GGACT: variants seen among roughly 807,000 people sequenced by gnomAD.
GGACT encodes gamma-glutamylamine cyclotransferase, also known as gamma-glutamylaminecyclotransferase.
For missense variants in GGACT, 241 were observed against 233.2 expected (o/e 1.03, Z -0.22); for synonymous variants, 118 against 115.3 (o/e 1.02, Z -0.15).
intron 2 of GGACT, among the ~76,000 whole-genome samples, chr13:100,555,888 A>C (rs958171939): frequency 6.6e-6 from 1 of 152,256 alleles, no homozygotes. Context: ...GAAAAACCAC[A>C]TGACGATCTC....
At chr13:100,560,913 G>A (rs1272629738) in intron 2 of GGACT, among the ~76,000 whole-genome samples, 1 of 152,182 alleles carries the variant, frequency 6.6e-6, no homozygotes, top group Non-Finnish European at 1.5e-5. Context: ...TTGCAATTGT[G>A]AACATCTCTG....
chr13:100,566,865 A>G (rs1874903515), intron 2 of GGACT, among the ~76,000 whole-genome samples: 1 of 152,236 alleles, frequency 6.6e-6, no homozygotes, highest in South Asian at 2.1e-4. Context: ...CGTGCTTTAC[A>G]GCAAAAGGGC....
At chr13:100,556,993 G>A (rs1301207385) in intron 2 of GGACT, among the ~76,000 whole-genome samples, 17 of 152,044 alleles carry the variant, frequency 1.1e-4, no homozygotes, top group African/African-American at 4.1e-4. Flanking sequence ...AGGTTCAAGC[G>A]ATTCTCATGC....
Position 100,530,524 on chromosome 13 carries a change from T to C in GGACT, c.*1606A>G, listed in dbSNP as rs970089050. 1.9e-5 allele frequency: 7 copies of C among 378,046 alleles called. No homozygotes were observed. Among genetic ancestry groups the C allele is most frequent in the African/African-American group, 1.2e-4 (6 of 48,202 alleles). The allele number at this position is 378,046 out of a possible 1,614,324, so 23.4% of individuals were successfully genotyped here. A position where few individuals can be genotyped will look rare whatever the true frequency, so the allele number is the denominator to read the frequency against. ...ACTACCAGCATTTCTTTGTGATCCTTTTAAGAGATTGATATAAATGTCAGT... is the reference window on the plus strand; with the variant it reads ...ACTACCAGCATTTCTTTGTGATCCTCTTAAGAGATTGATATAAATGTCAGT... On this transcript the variant is annotated 3_prime_UTR_variant, in exon 3 of 3. Coordinates refer to ENST00000683975, the MANE Select transcript of GGACT (RefSeq NM_001195087.2).
chr13:100,540,107 C>T lies in GGACT; in HGVS notation c.-10-7506G>A, dbSNP rs9554702. 0.015 allele frequency: 24,130 copies of T among 1,567,472 alleles called. 934 individuals are homozygous for T. The East Asian group carries it at 0.17, about 11-fold the overall frequency. On this transcript the variant is annotated intron_variant, in intron 2 of 2. Transcript: ENST00000683975. ...GCTTCAGAAATGTCCCTGACTGCTG[C>T]GGCCTCCACTATGTTTCGAATGACG...
intron 2 of GGACT, among the ~76,000 whole-genome samples, chr13:100,578,550 C>G (rs1343991249): frequency 6.6e-6 from 1 of 152,228 alleles, no homozygotes; most frequent in Non-Finnish European, 1.5e-5. Flanking sequence ...GTCTACTTGA[C>G]TTCTGTTGTA....
chr13:100,546,137 G>A (rs972808994), intron 2 of GGACT, among the ~76,000 whole-genome samples: 3 of 152,132 alleles, frequency 2.0e-5, no homozygotes, highest in African/African-American at 7.2e-5. Context: ...GAGGCGGGTG[G>A]ATCACGAGGA....
intron 1 of GGACT, among the ~76,000 whole-genome samples, chr13:100,588,350 A>T (rs1471310794): frequency 6.6e-6 from 1 of 152,234 alleles, no homozygotes; most frequent in Non-Finnish European, 1.5e-5. Context: ...AATGAAAAAC[A>T]ATTTCTGAGA....
chr13:100,575,954 G>C (rs918527445), intron 2 of GGACT, among the ~76,000 whole-genome samples: 1 of 152,172 alleles, frequency 6.6e-6, no homozygotes, highest in African/African-American at 2.4e-5. Context: ...ACAGGAATGA[G>C]ATGCTCAGGA....
At chr13:100,536,470 C>T (rs1437284968) in intron 2 of GGACT, 1 of 150,328 alleles carries the variant, frequency 6.7e-6, no homozygotes, top group Non-Finnish European at 1.5e-5. Flanking sequence ...ATTTTTTTGC[C>T]ATGATATTTA....
chr13:100,552,086 T>G (rs1335185719), intron 2 of GGACT, among the ~76,000 whole-genome samples: 2 of 152,186 alleles, frequency 1.3e-5, no homozygotes, highest in Non-Finnish European at 2.9e-5. Flanking sequence ...TTGAGTGTGG[T>G]CCAGGCCAGA....
chr13:100,539,702 G>T, intron 2 of GGACT: 1 of 596,702 alleles, frequency 1.7e-6, no homozygotes, highest in East Asian at 2.8e-5. Flanking sequence ...TCAGGGTGAT[G>T]CTCAACACTG....
At chr13:100,570,347 C>T (rs1875044066) in intron 2 of GGACT, among the ~76,000 whole-genome samples, 1 of 151,822 alleles carries the variant, frequency 6.6e-6, no homozygotes, top group Admixed American at 6.6e-5. Flanking sequence ...ATCTTATAAT[C>T]ATGGCGGAAG....
chr13:100,569,860 G>T (rs1875027429), intron 2 of GGACT, among the ~76,000 whole-genome samples: 1 of 152,182 alleles, frequency 6.6e-6, no homozygotes, highest in Non-Finnish European at 1.5e-5. Context: ...CAGATCTCTA[G>T]GGCAGGGGCA....
chr13:100,538,691 T>C (rs901192797), intron 2 of GGACT: 12 of 152,356 alleles, frequency 7.9e-5, no homozygotes, highest in African/African-American at 2.6e-4. Context: ...ACCTCCAACA[T>C]TGTTCTTTTC....
In GGACT at chr13:100,555,953, C is replaced by A. The variant is rs554908833; in HGVS notation, c.-10-23352G>T. Among the ~76,000 whole-genome samples the A allele has an allele frequency of 2.0e-5, 3 of 152,200 alleles. No homozygotes were observed. In the South Asian group the frequency reaches 6.2e-4, roughly 32 times the overall value. ...TTCAGCAAATTTGAGATAAAAATTC[C>A]TAGCAAACTGGAAATCAAAGAGGAC... On this transcript the variant is annotated intron_variant, in intron 2 of 2. Transcript: ENST00000683975.
rs1352230039 is a variant in GGACT at position 100,556,054 on chromosome 13, A to G, written c.-10-23453T>C. Among the ~76,000 whole-genome samples the G allele has an allele frequency of 2.0e-5, 3 of 152,240 alleles. No individual in the cohort carries two copies. In the South Asian group the frequency reaches 6.2e-4, roughly 31 times the overall value. ...TCCTTCTCTTTGTAGTGAATAATCA[A>G]GTACTTTCCCTTGAGACTGGATGCA... On this transcript the variant is annotated intron_variant, in intron 2 of 2. Coordinates refer to ENST00000683975, the MANE Select transcript of GGACT (RefSeq NM_001195087.2).
In GGACT at chr13:100,543,268, C is replaced by CA. The variant is rs2088571989; in HGVS notation, c.-10-10668_-10-10667insT. Among the ~76,000 whole-genome samples, 5 of 119,922 alleles carry CA rather than the reference C, an allele frequency of 4.2e-5. No individual in the cohort carries two copies. In the East Asian group the frequency reaches 1.5e-3, roughly 35 times the overall value. The allele number at this position is 119,922 out of a possible 152,430, so 78.7% of individuals were successfully genotyped here. A position where few individuals can be genotyped will look rare whatever the true frequency, so the allele number is the denominator to read the frequency against. On this transcript the variant is annotated intron_variant, in intron 2 of 2. Transcript: ENST00000683975. ...TGTCACCCAGGCTGGAGTGCAGTGG[C>CA]GCGATCTCGGCTCACTGCAACCTCC...
chr13:100,545,863 A>G lies in GGACT; in HGVS notation c.-10-13262T>C, dbSNP rs1283458901. Among the ~76,000 whole-genome samples the G allele has an allele frequency of 4.6e-5, 7 of 152,164 alleles. No homozygotes were observed. The highest frequency in any genetic ancestry group is 4.6e-4 in the Admixed American group (7 of 15,278). Reference sequence around the variant, plus strand: ...AAGGGTTCGGAGAATTCAGACACCAAAGGCCCCATCATGTCCCTTCCTACA... The same window carrying G: ...AAGGGTTCGGAGAATTCAGACACCAGAGGCCCCATCATGTCCCTTCCTACA... On this transcript the variant is annotated intron_variant, in intron 2 of 2. Transcript: ENST00000683975. The surrounding 1 kb of genome is among the most constrained non-coding windows in gnomAD (Gnocchi z 4.4).
Sources: gnomAD v4.1 joint callset for allele counts (sites outside exome capture counted in the v4.1 genomes callset) on GRCh38, gnomAD v4.1.1 for gene constraint, Gnocchi (gnomAD v3.1) non-coding constraint, MANE v1.5 for transcripts, NCBI Gene and HGNC (gene_info 2026-07-23, HGNC 2026-07-21) for gene names.